The following TMEM222 variants were observed in gnomAD, a reference collection of about 807,000 sequenced individuals.
TMEM222 encodes transmembrane protein 222.
A neutral mutation model predicts 25.1 loss-of-function variants in TMEM222; 18 were observed. The ratio of observed to expected loss-of-function variants is 0.72; its 90% CI spans 0.50 to 1.06. The LOEUF is 1.06. Among genes scored for constraint, TMEM222 ranks in the 50% least tolerant of loss-of-function variants. The probability of loss-of-function intolerance (pLI) is 0.00; values close to 1 mark genes in which losing one functional copy is unlikely to be tolerated. For synonymous variants in TMEM222, 131 were observed against 117.9 expected, an observed-to-expected ratio of 1.11 and a Z score of -0.72; for missense variants, 296 against 293.7, an observed-to-expected ratio of 1.01 and a Z score of -0.06.
intron 5 of TMEM222, 154 bp downstream of exon 5, chr1:27,334,435 G>A: frequency 3.8e-6 from 5 of 1,319,316 alleles, no homozygotes; most frequent in Non-Finnish European, 5.1e-6. Context: ...ACGAGCTGAG[G>A]GCCTGATGGA....
At chr1:27,331,994 T>G (rs1016030654) in intron 2 of TMEM222, 76 bp from the exon 3 acceptor site, 2 of 1,309,082 alleles carry the variant, frequency 1.5e-6, no homozygotes, top group African/African-American at 2.9e-5. Context: ...GTCACTGCAC[T>G]TCTGCCACCT....
intron 1 of TMEM222, among the ~76,000 whole-genome samples, chr1:27,323,373 A>G (rs1229349933): frequency 6.6e-6 from 1 of 152,228 alleles, no homozygotes; most frequent in South Asian, 2.1e-4. Context: ...TTGGGGCCTT[A>G]GGTGTTGCTG....
chr1:27,334,093 G>A (rs770058991), intron 4 of TMEM222, 39 bp downstream of exon 4: 3 of 1,613,896 alleles, frequency 1.9e-6, no homozygotes. Context: ...CCCCAGGTGG[G>A]GACCAGGGGG....
intron 1 of TMEM222, among the ~76,000 whole-genome samples, chr1:27,322,910 G>C (rs1213688981): frequency 2.0e-5 from 3 of 151,916 alleles, no homozygotes; most frequent in Non-Finnish European, 4.4e-5. Context: ...TGCAAACTGG[G>C]TTTAGATCCC....
Position 27,322,232 on chromosome 1 carries a change from TGCC to T in TMEM222, c.45_47del (p.Pro19del), listed in dbSNP as rs769526371. On this transcript the variant is annotated inframe_deletion, in exon 1 of 6. Transcript: ENST00000374076. The stretch of plus-strand genomic sequence containing the variant: ...GCGGAAGGGAGTTCTCTGCTCTTGT[TGCC>T]GCCGCCGCCACCCCCGCCCAGGATG... 8 of 1,457,584 alleles carry T rather than the reference TGCC, an allele frequency of 5.5e-6. No homozygotes were observed. Among genetic ancestry groups the T allele is most frequent in the Admixed American group, 2.7e-5 (1 of 36,546 alleles). 90.3% of individuals were successfully genotyped at this position (1,457,584 alleles called of 1,614,324 possible).
intron 2 of TMEM222, 127 bp from the exon 3 acceptor site, chr1:27,331,943 C>T: frequency 1.1e-6 from 1 of 883,092 alleles, no homozygotes; most frequent in Non-Finnish European, 1.9e-6. Flanking sequence ...GGGCCCAGGC[C>T]CCACTTCTGG....
At chr1:27,331,200 A>G in intron 2 of TMEM222, 1 of 1,074,870 alleles carries the variant, frequency 9.3e-7, no homozygotes, top group Non-Finnish European at 1.1e-6. Context: ...GCCATGGAGA[A>G]GAGGGGGTGG....
Position 27,334,050 on chromosome 1 carries a change from G to A in TMEM222, c.404G>A (p.Arg135His), listed in dbSNP as rs757014818. ...VHDASEEYKH[R>H]MHNLCCDNCH... is the part of the protein sequence containing the mutation. ...GACGCCTCTGAGGAGTACAAGCACCGCATGGTAGGTGGGCCAGGGCGGCAC... is the reference window on the plus strand; with the variant it reads ...GACGCCTCTGAGGAGTACAAGCACCACATGGTAGGTGGGCCAGGGCGGCAC... Residue 135 changes from arginine (R) to histidine (H), a missense_variant, in exon 4 of 6, where the codon CGC (arginine) becomes CAC (histidine). Arg to His is a conservative substitution (Grantham distance 29, BLOSUM62 0). Transcript: ENST00000374076. 1.4e-5 allele frequency: 23 copies of A among 1,614,178 alleles called. No individual in the cohort carries two copies. The highest frequency in any genetic ancestry group is 1.2e-4 in the South Asian group (11 of 91,090).
chr1:27,335,181 G>C, intron 5 of TMEM222, 198 bp from the exon 6 acceptor site: 1 of 607,556 alleles, frequency 1.6e-6, no homozygotes. Flanking sequence ...CCCTGCCCGG[G>C]ACCATAGCTG....
intron 1 of TMEM222, chr1:27,325,753 A>G (rs2014329572): frequency 3.5e-6 from 3 of 860,836 alleles, no homozygotes; most frequent in African/African-American, 1.6e-5. Context: ...AAGCAGGAGT[A>G]TGACGAGTCA....
chr1:27,334,819 T>C (rs2014566753), intron 5 of TMEM222: 1 of 1,090,236 alleles, frequency 9.2e-7, no homozygotes, highest in African/African-American at 1.7e-5. Flanking sequence ...TAAGAGGTTC[T>C]GAAAAGAAGA....
intron 3 of TMEM222, chr1:27,332,677 T>G: frequency 1.6e-6 from 1 of 623,414 alleles, no homozygotes; most frequent in East Asian, 2.8e-5. Flanking sequence ...TCAGGTGACC[T>G]GTTGCCCAAG....
intron 1 of TMEM222, 71 bp downstream of exon 1, chr1:27,322,462 C>T (rs1210877738): frequency 1.5e-6 from 2 of 1,291,928 alleles, no homozygotes; most frequent in Non-Finnish European, 2.0e-6. Context: ...CCGGGCTAGC[C>T]TCCGGCCCCA....
Position 27,335,428 on chromosome 1 carries a change from A to G in TMEM222, c.589A>G (p.Ile197Val). The change falls in exon 6 of 6, where the codon ATC (isoleucine) becomes GTC (valine). Residue 197 changes from isoleucine to valine, a missense_variant. Physicochemically the swap from Ile to Val is conservative, Grantham distance 29. Transcript: ENST00000374076. The stretch of plus-strand genomic sequence containing the variant: ...GCTGCCCTTCATCCTTCTCCTGGGC[A>G]TCATCCTCACCGTCAGCCTGGTCTT... ...TWLPFILLLG[I>V]ILTVSLVFNL... The G allele has an allele frequency of 6.2e-7, 1 of 1,614,150 alleles. No homozygotes were observed. The highest frequency in any genetic ancestry group is 2.2e-5 in the East Asian group (1 of 44,876).
intron 1 of TMEM222, among the ~76,000 whole-genome samples, chr1:27,323,212 G>C (rs2014249879): frequency 1.3e-5 from 2 of 152,172 alleles, no homozygotes; most frequent in South Asian, 4.1e-4. Flanking sequence ...TAAGTGTCTT[G>C]ATCAGGTTCG....
chr1:27,329,809 T>C (rs1478856774), intron 1 of TMEM222, among the ~76,000 whole-genome samples: 1 of 152,188 alleles, frequency 6.6e-6, no homozygotes, highest in African/African-American at 2.4e-5. Flanking sequence ...TTTTCCAGAA[T>C]GGTAGAAACA....
chr1:27,328,370 T>G (rs903605681), intron 1 of TMEM222, among the ~76,000 whole-genome samples: 1 of 152,140 alleles, frequency 6.6e-6, no homozygotes, highest in Non-Finnish European at 1.5e-5. Flanking sequence ...CACCACAGTG[T>G]TGGAAGAAGT....
chr1:27,330,625 A>T, intron 1 of TMEM222, 95 bp from the exon 2 acceptor site: 2 of 1,029,808 alleles, frequency 1.9e-6, no homozygotes, highest in South Asian at 1.3e-5. Context: ...CGTAATATTC[A>T]CATGCTTCTG....
chr1:27,326,174 C>A (rs2014345458), intron 1 of TMEM222, among the ~76,000 whole-genome samples: 1 of 152,158 alleles, frequency 6.6e-6, no homozygotes, highest in South Asian at 2.1e-4. Context: ...TATGTCATGG[C>A]TGAGTGTTCT....
Sources: allele counts gnomAD v4.1 joint callset (sites outside exome capture counted in the v4.1 genomes callset), GRCh38; gene constraint gnomAD v4.1.1; transcripts MANE v1.5; gene names NCBI Gene and HGNC (gene_info 2026-07-23, HGNC 2026-07-21).